The following PPL variants were observed in gnomAD, a reference collection of about 807,000 sequenced individuals.
The protein encoded by PPL is 190 kDa paraneoplastic pemphigus antigen.
A neutral mutation model predicts 194.4 loss-of-function variants in PPL; 198 were observed. That is an observed-to-expected ratio of 1.02 (90% CI 0.91 to 1.15). The LOEUF (loss-of-function observed/expected upper bound fraction) is 1.15. Ranked by LOEUF, PPL falls within the 50% of genes most tolerant of loss-of-function variation. PPL has a pLI of 0.00. For missense variants in PPL, 2,885 were observed against 2,294.8 expected, an observed-to-expected ratio of 1.26 and a Z score of -5.25; for synonymous variants, 1,220 against 972.4, an observed-to-expected ratio of 1.25 and a Z score of -4.74.
chr16:4,917,139 AAAAAACAAAAAAAC>A (rs1451139750), intron 1 of PPL, among the ~76,000 whole-genome samples: 28 of 152,202 alleles, frequency 1.8e-4, no homozygotes, highest in East Asian at 3.9e-4. Context: ...CTCAGAAAAT[AAAAAACAAAAAAAC>A]AAAAACAAAA....
chr16:4,910,231 C>T (rs1182854681), intron 2 of PPL, among the ~76,000 whole-genome samples: 1 of 152,186 alleles, frequency 6.6e-6, no homozygotes, highest in Admixed American at 6.5e-5. Flanking sequence ...TATCTCTCTT[C>T]TCCAAAAAAG....
At chr16:4,926,889 A>AAC (rs1430842286) in intron 1 of PPL, among the ~76,000 whole-genome samples, 1 of 115,934 alleles carries the variant, frequency 8.6e-6, no homozygotes, top group African/African-American at 3.6e-5. Flanking sequence ...AAAAAAAAAA[A>AAC]AAACAAAAAA....
At chr16:4,932,408 A>C (rs2089236291) in intron 1 of PPL, among the ~76,000 whole-genome samples, 1 of 150,520 alleles carries the variant, frequency 6.6e-6, no homozygotes, top group African/African-American at 2.5e-5. Flanking sequence ...CTCAGTCATG[A>C]ATCTTTTTTT....
rs780531898 is a variant in PPL at position 4,884,855 on chromosome 16, A to G, written c.3800T>C (p.Leu1267Ser). Reference sequence around the variant, plus strand: ...TTCCTTTTTCAGCTGGTAGATCTCTAAATCACACCTTTCGATCAGTCTGGT... The same window carrying G: ...TTCCTTTTTCAGCTGGTAGATCTCTGAATCACACCTTTCGATCAGTCTGGT... The part of the protein sequence containing the change: ...DKTRLIERCD[L>S]EIYQLKKEIQ... The change falls in exon 22 of 22, where the codon TTA becomes TCA. Residue 1267 changes from leucine (L) to serine (S), a missense_variant. Physicochemically the swap from Leu to Ser is moderately radical, Grantham distance 145 (BLOSUM62 -2). Coordinates refer to ENST00000345988, the MANE Select transcript of PPL (RefSeq NM_002705.5). The surrounding 1 kb of genome is among the most constrained non-coding windows in gnomAD (Gnocchi z 5.7). The G allele has an allele frequency of 5.6e-6, 9 of 1,613,880 alleles. No individual in the cohort carries two copies. The highest frequency in any genetic ancestry group is 6.8e-6 in the Non-Finnish European group (8 of 1,179,988).
intron 3 of PPL, among the ~76,000 whole-genome samples, chr16:4,903,058 G>A (rs952948698): frequency 6.6e-6 from 1 of 152,196 alleles, no homozygotes; most frequent in South Asian, 2.1e-4. Flanking sequence ...CAGAATGATA[G>A]AAAGTTCTGG....
chr16:4,920,727 C>A (rs1443696772), intron 1 of PPL, among the ~76,000 whole-genome samples: 1 of 152,176 alleles, frequency 6.6e-6, no homozygotes, highest in Non-Finnish European at 1.5e-5. Flanking sequence ...TCCCAAAGTG[C>A]TGGAATTACA....
rs574518157 is a variant in PPL, at chr16:4,898,977, C to T, written c.876+36G>A. 4.4e-6 allele frequency: 7 copies of T among 1,590,922 alleles called. No individual in the cohort carries two copies. In the East Asian group the frequency reaches 9.0e-5, roughly 20 times the overall value. ...ACAGGCAGCGGCCAACCAGAAGCCA[C>T]CCTGGGGGAGGTGTCTGGTCTCGGG... is the stretch of plus-strand genomic sequence containing the variant. On this transcript the variant is annotated intron_variant, in intron 8 of 21. Coordinates refer to ENST00000345988, the MANE Select transcript of PPL (RefSeq NM_002705.5).
In PPL at chr16:4,902,620, G is replaced by A. The variant is rs1419566416; in HGVS notation, c.318-94C>T. The A allele has an allele frequency of 2.1e-6, 3 of 1,425,932 alleles. No individual in the cohort carries two copies. The highest frequency in any genetic ancestry group is 2.9e-6 in the Non-Finnish European group (3 of 1,046,274). 88.3% of individuals were successfully genotyped at this position (1,425,932 alleles called of 1,614,324 possible). ...ACCCAGACCCCGGCCTCAGTGTCCT[G>A]GAAGGACACAGTGACCATATGGCCT... On this transcript the variant is annotated intron_variant, in intron 3 of 21. Coordinates refer to ENST00000345988, the MANE Select transcript of PPL (RefSeq NM_002705.5). The surrounding 1 kb of genome is among the most constrained non-coding windows in gnomAD (Gnocchi z 4.0).
chr16:4,927,714 G>C (rs914058539), intron 1 of PPL, among the ~76,000 whole-genome samples: 1 of 152,246 alleles, frequency 6.6e-6, no homozygotes, highest in African/African-American at 2.4e-5. Context: ...CCTAAGATGA[G>C]AAGGTTGCTG....
rs771991504 is a variant in PPL at position 4,885,705 on chromosome 16, C to T, written c.2950G>A (p.Glu984Lys). The T allele has an allele frequency of 2.2e-5, 35 of 1,613,444 alleles. No homozygotes were observed. Among genetic ancestry groups the T allele is most frequent in the South Asian group, 1.1e-5 (1 of 91,074 alleles). The change falls in exon 22 of 22, where the codon GAG becomes AAG. Residue 984 changes from glutamate (E) to lysine (K), a missense_variant. Glu to Lys is a moderately conservative substitution (Grantham distance 56). Coordinates refer to ENST00000345988, the MANE Select transcript of PPL (RefSeq NM_002705.5). This position sits in a 1 kb window ranked among gnomAD's most constrained non-coding sequence, Gnocchi z 6.3. ...LQLQLRALEQ[E>K]TRDGGQEYVV... Reference sequence around the variant, plus strand: ...TACTCCTGCCCCCCGTCTCTGGTCTCCTGCTCCAGGGCACGCAGCTGCAGC... The same window carrying T: ...TACTCCTGCCCCCCGTCTCTGGTCTTCTGCTCCAGGGCACGCAGCTGCAGC...
chr16:4,908,422 T>TTGTCTC (rs796281911), intron 2 of PPL, among the ~76,000 whole-genome samples: 5 of 148,394 alleles, frequency 3.4e-5, no homozygotes, highest in Non-Finnish European at 4.5e-5. Context: ...TCTTCCTTCT[T>TTGTCTC]TCTCTCTCTC....
intron 2 of PPL, among the ~76,000 whole-genome samples, chr16:4,909,155 C>T (rs997734856): frequency 6.6e-6 from 1 of 152,088 alleles, no homozygotes; most frequent in African/African-American, 2.4e-5. Flanking sequence ...CTCCTGGGGC[C>T]CCTGCAGGGG....
At position 4,884,095 on chromosome 16, in the gene PPL, C is replaced by T. The variant is rs754745229; in HGVS notation, c.4560G>A (p.Lys1520=). ...GDTEQEIQRL[K]SSLEEESRSK... is the part of the protein sequence containing the mutation. ...TGCGGCTCTCCTCCTCCAGGCTGCTCTTGAGCCTCTGGATCTCTTGCTCGG... is the reference window on the plus strand; with the variant it reads ...TGCGGCTCTCCTCCTCCAGGCTGCTTTTGAGCCTCTGGATCTCTTGCTCGG... The change falls in exon 22 of 22, where the codon AAG becomes AAA. Residue 1520 remains lysine (K), a synonymous_variant. Transcript: ENST00000345988. The surrounding 1 kb of genome is among the most constrained non-coding windows in gnomAD (Gnocchi z 5.7). 12 of 1,613,166 alleles carry T rather than the reference C, an allele frequency of 7.4e-6. No homozygotes were observed. The Admixed American group carries it at 1.2e-4, about 16-fold the overall frequency.
rs779250482 is a variant in PPL at position 4,883,655 on chromosome 16, CG to C, written c.4999del (p.Arg1667AlafsTer20). On this transcript the variant is annotated frameshift_variant, in exon 22 of 22. Coordinates refer to ENST00000345988, the MANE Select transcript of PPL (RefSeq NM_002705.5). LOFTEE classifies it high-confidence loss of function. The surrounding 1 kb of genome is among the most constrained non-coding windows in gnomAD (Gnocchi z 4.8). ...SIVVIHPDTG[R>X]ELSPEEAHRA... ...GTGGGCTTCCTCCGGGGACAGCTCG[CG>C]GCCTGTGTCAGGGTGGATGACTACG... 12 of 1,614,082 alleles carry C rather than the reference CG, an allele frequency of 7.4e-6. No individual in the cohort carries two copies. The Admixed American group carries it at 1.0e-4, about 13-fold the overall frequency.
At position 4,884,534 on chromosome 16, in the gene PPL, CTCTCGGCA is replaced by C; in HGVS notation, c.4113_4120del (p.Phe1371LeufsTer10). 1 of 1,612,550 alleles carries C rather than the reference CTCTCGGCA, an allele frequency of 6.2e-7. No individual in the cohort carries two copies. The highest frequency in any genetic ancestry group is 1.1e-5 in the South Asian group (1 of 91,044). On this transcript the variant is annotated frameshift_variant, in exon 22 of 22. Coordinates refer to ENST00000345988, the MANE Select transcript of PPL (RefSeq NM_002705.5). LOFTEE classifies it high-confidence loss of function. The surrounding 1 kb of genome is among the most constrained non-coding windows in gnomAD (Gnocchi z 5.7). ...AATCTGCCGCAGCTCCACATCGATG[CTCTCGGCA>C]AAGGCGCTCGCCTCGGCCCGCAGGC...
At position 4,893,576 on chromosome 16, in the gene PPL, T is replaced by C; in HGVS notation, c.1457A>G (p.Gln486Arg). ...CTCGGTCTTCAGCACCTCATACCGC[T>C]GCTGCAGCGTGCGTTTGCTCCCAGC... ...KAAGSKRTLQ[Q>R]RYEVLKTENP... Residue 486 changes from glutamine (Q) to arginine (R), a missense_variant, in exon 13 of 22, where the codon CAG (glutamine) becomes CGG (arginine). Physicochemically the swap from Gln to Arg is conservative, Grantham distance 43. Coordinates refer to ENST00000345988, the MANE Select transcript of PPL (RefSeq NM_002705.5). 1.2e-6 allele frequency: 2 copies of C among 1,612,028 alleles called. No individual in the cohort carries two copies. The highest frequency in any genetic ancestry group is 8.5e-7 in the Non-Finnish European group (1 of 1,179,746).
At position 4,884,810 on chromosome 16, in the gene PPL, G is replaced by T. The variant is rs200663441; in HGVS notation, c.3845C>A (p.Thr1282Asn). The T allele has an allele frequency of 3.7e-6, 6 of 1,614,018 alleles. No homozygotes were observed. The African/African-American group carries it at 8.0e-5, about 22-fold the overall frequency. ...LKKEIQALKD[T>N]KPQVQTKEVV... ...CTCTTTGGTCTGGACCTGGGGTTTG[G>T]TGTCTTTCAGGGCCTGGATTTCCTT... The change falls in exon 22 of 22, where the codon ACC becomes AAC. Residue 1282 changes from threonine (T) to asparagine (N), a missense_variant. Coordinates refer to ENST00000345988, the MANE Select transcript of PPL (RefSeq NM_002705.5). The surrounding 1 kb of genome is among the most constrained non-coding windows in gnomAD (Gnocchi z 5.7).
chr16:4,885,970 G>C lies in PPL; in HGVS notation c.2685C>G (p.Ile895Met), dbSNP rs547034998. ...PDSGVEEAWK[I>M]RKELDEETER... Reference sequence around the variant, plus strand: ...CAGTCTCCTCATCCAGTTCCTTCCTGATCTTCCACGCCTCCTCCACTCCAG... The same window carrying C: ...CAGTCTCCTCATCCAGTTCCTTCCTCATCTTCCACGCCTCCTCCACTCCAG... The change falls in exon 22 of 22, where the codon ATC becomes ATG. Residue 895 changes from isoleucine to methionine, a missense_variant. Physicochemically the swap from Ile to Met is conservative, Grantham distance 10 (BLOSUM62 1). Transcript: ENST00000345988. The surrounding 1 kb of genome is among the most constrained non-coding windows in gnomAD (Gnocchi z 6.3). The C allele has an allele frequency of 1.2e-6, 2 of 1,613,648 alleles. No homozygotes were observed. The highest frequency in any genetic ancestry group is 1.3e-5 in the African/African-American group (1 of 74,914).
intron 2 of PPL, among the ~76,000 whole-genome samples, chr16:4,909,080 A>T (rs2088764949): frequency 1.3e-5 from 2 of 152,124 alleles, no homozygotes; most frequent in African/African-American, 4.8e-5. Context: ...CCAGGGAGGC[A>T]GGAGGTGGAG....
Sources: allele counts gnomAD v4.1 joint callset (sites outside exome capture counted in the v4.1 genomes callset), GRCh38; gene constraint gnomAD v4.1.1; non-coding constraint Gnocchi (gnomAD v3.1); transcripts MANE v1.5; gene names NCBI Gene and HGNC (gene_info 2026-07-23, HGNC 2026-07-21).